The following HMCN1 variants were observed in gnomAD, a reference collection of about 807,000 sequenced individuals.
HMCN1 encodes hemicentin 1, also known as hemicentin-1.
Under a neutral mutation model 625.9 loss-of-function variants are expected in HMCN1, and 321 were observed. The ratio of observed to expected loss-of-function variants is 0.51; its 90% confidence interval spans 0.47 to 0.56. The LOEUF is 0.56. Ranked by LOEUF, HMCN1 falls within the 20% of genes least tolerant of loss-of-function variation. HMCN1 has a pLI of 0.00. For synonymous variants in HMCN1, 2,425 were observed against 2,417.6 expected, an observed-to-expected ratio of 1.00 and a Z score of -0.09; for missense variants, 6,588 against 6,887.3, an observed-to-expected ratio of 0.96 and a Z score of 1.54.
chr1:185,998,808 C>T (rs960759171), intron 25 of HMCN1, among the ~76,000 whole-genome samples: 8 of 152,040 alleles, frequency 5.3e-5, no homozygotes, highest in African/African-American at 1.9e-4. Flanking sequence ...AAAGACAATG[C>T]AATTTCTTTC....
intron 1 of HMCN1, among the ~76,000 whole-genome samples, chr1:185,806,128 G>A (rs974506159): frequency 1.3e-5 from 2 of 151,968 alleles, no homozygotes; most frequent in Admixed American, 6.6e-5. Context: ...ACATATTATA[G>A]TTCTAAGTTC....
chr1:186,021,404 T>C (rs557190887), intron 35 of HMCN1, among the ~76,000 whole-genome samples: 2 of 152,140 alleles, frequency 1.3e-5, no homozygotes, highest in Non-Finnish European at 2.9e-5. Context: ...ATTGAGTATA[T>C]GGTCTTGGAG....
chr1:186,142,576 G>A (rs1249208482), intron 89 of HMCN1, among the ~76,000 whole-genome samples: 4 of 151,902 alleles, frequency 2.6e-5, no homozygotes, highest in African/African-American at 9.7e-5. Context: ...TTGTTTTTTT[G>A]CATCATCTAG....
chr1:186,179,271 T>A (rs1413941080), intron 104 of HMCN1, among the ~76,000 whole-genome samples: 1 of 152,224 alleles, frequency 6.6e-6, no homozygotes, highest in African/African-American at 2.4e-5. Context: ...TTATTGTGTA[T>A]GTTTGTACGT....
chr1:185,916,902 A>G (rs1486848843), intron 6 of HMCN1, among the ~76,000 whole-genome samples: 1 of 152,136 alleles, frequency 6.6e-6, no homozygotes, highest in African/African-American at 2.4e-5. Flanking sequence ...TCACTTAATG[A>G]GGAAAAAACC....
intron 66 of HMCN1, 44 bp downstream of exon 66, chr1:186,093,713 T>C: frequency 6.2e-7 from 1 of 1,608,768 alleles, no homozygotes; most frequent in Non-Finnish European, 8.5e-7. Flanking sequence ...ATGAAGTAAC[T>C]GTGATTGTAG....
intron 1 of HMCN1, among the ~76,000 whole-genome samples, chr1:185,806,089 T>C (rs1313760743): frequency 6.6e-6 from 1 of 151,974 alleles, no homozygotes; most frequent in Admixed American, 6.6e-5. Context: ...AATAATATAA[T>C]AATAGGTAAC....
intron 89 of HMCN1, among the ~76,000 whole-genome samples, chr1:186,138,501 A>C (rs16824945): frequency 6.6e-6 from 1 of 152,182 alleles, no homozygotes; most frequent in African/African-American, 2.4e-5. Flanking sequence ...AACAAGTCCA[A>C]GTAGAAAATT....
At chr1:185,821,115 A>T (rs918338432) in intron 1 of HMCN1, among the ~76,000 whole-genome samples, 1 of 151,996 alleles carries the variant, frequency 6.6e-6, no homozygotes, top group Non-Finnish European at 1.5e-5. Flanking sequence ...TGTCAACTTT[A>T]AAGCAAAAGC....
intron 1 of HMCN1, among the ~76,000 whole-genome samples, chr1:185,747,438 C>T (rs1654493381): frequency 6.6e-6 from 1 of 151,918 alleles, no homozygotes; most frequent in African/African-American, 2.4e-5. Context: ...CATGCCTTAG[C>T]CTCCCAAGTA....
At chr1:186,163,112 C>T (rs981961235) in intron 97 of HMCN1, among the ~76,000 whole-genome samples, 13 of 152,312 alleles carry the variant, frequency 8.5e-5, no homozygotes, top group East Asian at 1.9e-4. Context: ...TGGGAAATGG[C>T]GGGCGCCCCT....
intron 3 of HMCN1, 139 bp downstream of exon 3, chr1:185,864,767 T>A: frequency 1.3e-6 from 1 of 777,314 alleles, no homozygotes; most frequent in South Asian, 1.5e-5. Context: ...AATATGTATA[T>A]GTCATCTGAT....
intron 1 of HMCN1, among the ~76,000 whole-genome samples, chr1:185,822,152 C>T (rs1660226205): frequency 6.6e-6 from 1 of 152,040 alleles, no homozygotes; most frequent in South Asian, 2.1e-4. Context: ...TACATTTGTC[C>T]AAACCCATAC....
chr1:185,922,513 T>C lies in HMCN1; in HGVS notation c.1021+14T>C, dbSNP rs779005077. 6 of 1,597,954 alleles carry C rather than the reference T, an allele frequency of 3.8e-6. No individual in the cohort carries two copies. In the African/African-American group the frequency reaches 8.1e-5, roughly 21 times the overall value. ...GACCAGTGCAAGGTTTGTATGTGCATATTATTTAAATTGACATAATAGATA... is the reference window on the plus strand; with the variant it reads ...GACCAGTGCAAGGTTTGTATGTGCACATTATTTAAATTGACATAATAGATA... On this transcript the variant is annotated intron_variant, in intron 7 of 106. Coordinates refer to ENST00000271588, the MANE Select transcript of HMCN1 (RefSeq NM_031935.3).
Position 186,057,393 on chromosome 1 carries a change from T to C in HMCN1, c.7304T>C (p.Ile2435Thr). ...WPVSLSNSVR[I>T]LSGGRMLRLM... ...GTCAGCCTTAGCAATTCTGTGAGGA[T>C]TCTTTCAGGTATTAGAAATTCTGGT... The change falls in exon 46 of 107, where the codon ATT becomes ACT. Residue 2435 changes from isoleucine to threonine, a missense_variant. This residue lies in a region of HMCN1 where 4,628 missense variants were observed against 4,853.1 expected (regional missense o/e 0.95). Transcript: ENST00000271588. 1 of 1,605,566 alleles carries C rather than the reference T, an allele frequency of 6.2e-7. No individual in the cohort carries two copies. The highest frequency in any genetic ancestry group is 8.5e-7 in the Non-Finnish European group (1 of 1,172,618).
At chr1:185,803,253 G>T (rs1000082311) in intron 1 of HMCN1, among the ~76,000 whole-genome samples, 1 of 144,326 alleles carries the variant, frequency 6.9e-6, no homozygotes, top group African/African-American at 2.5e-5. Context: ...ACTTTGGGGA[G>T]TAAATATAGT....
chr1:186,083,734 ATTC>A (rs764202978), intron 57 of HMCN1, among the ~76,000 whole-genome samples: 2 of 152,150 alleles, frequency 1.3e-5, no homozygotes, highest in African/African-American at 2.4e-5. Context: ...TATGATAAAT[ATTC>A]TTCTTTGGTG....
At position 186,125,641 on chromosome 1, in the gene HMCN1, G is replaced by T. The variant is rs766495464; in HGVS notation, c.12537G>T (p.Thr4179=). The change falls in exon 82 of 107, where the codon ACG becomes ACT. Residue 4179 remains threonine, a synonymous_variant. Coordinates refer to ENST00000271588, the MANE Select transcript of HMCN1 (RefSeq NM_031935.3). ...PRIRSTEGHY[T]VNENSQAILP... is the part of the protein sequence containing the mutation. ...TCAGAAGTACAGAAGGACACTACAC[G>T]GTCAATGAGAATTCACAAGCCATTC... The T allele has an allele frequency of 3.1e-6, 5 of 1,613,154 alleles. No homozygotes were observed. Among genetic ancestry groups the T allele is most frequent in the Middle Eastern group, 3.3e-4 (2 of 6,056 alleles).
intron 11 of HMCN1, among the ~76,000 whole-genome samples, chr1:185,939,974 A>G (rs1668002232): frequency 6.6e-6 from 1 of 152,190 alleles, no homozygotes; most frequent in African/African-American, 2.4e-5. Context: ...TCCCTTAAAT[A>G]TTAAAAAGTT....
Sources: gnomAD v4.1 joint callset for allele counts (sites outside exome capture counted in the v4.1 genomes callset) on GRCh38, gnomAD v4.1.1 for gene constraint, gnomAD v4.1.1 regional missense constraint, MANE v1.5 for transcripts, NCBI Gene and HGNC (gene_info 2026-07-23, HGNC 2026-07-21) for gene names.